The following ADAM10 variants were observed in gnomAD, a reference collection of about 807,000 sequenced individuals.
ADAM10 encodes ADAM metallopeptidase domain 10.
A neutral mutation model predicts 90.1 loss-of-function variants in ADAM10; 17 were observed. The observed-to-expected ratio is 0.19, with a 90% CI of 0.13 to 0.28. The LOEUF (loss-of-function observed/expected upper bound fraction) is 0.28, where lower values mean the gene tolerates loss of function less well. Among genes scored for constraint, ADAM10 ranks in the 10% least tolerant of loss-of-function variants. The pLI, the probability that ADAM10 is intolerant of heterozygous loss-of-function variation, is 1.00. For synonymous variants in ADAM10, 310 were observed against 298.6 expected (o/e 1.04, Z -0.40); for missense variants, 610 against 914.3 (o/e 0.67, Z 4.29).
chr15:58,725,843 TGAGAA>T (rs1262654017), intron 1 of ADAM10, among the ~76,000 whole-genome samples: 1 of 151,994 alleles, frequency 6.6e-6, no homozygotes, highest in Non-Finnish European at 1.5e-5. Flanking sequence ...CAAATGAAGG[TGAGAA>T]GAGGAGGTGA....
chr15:58,673,575 ATAAC>A (rs149303926), intron 4 of ADAM10, among the ~76,000 whole-genome samples: 7,543 of 151,934 alleles, frequency 0.05, 634 homozygotes, highest in African/African-American at 0.17. Context: ...ATACATATAT[ATAAC>A]TAATCAGAAA....
chr15:58,746,467 C>G (rs1205181788), intron 1 of ADAM10, among the ~76,000 whole-genome samples: 1 of 152,230 alleles, frequency 6.6e-6, no homozygotes, highest in Non-Finnish European at 1.5e-5. Context: ...TACCTTCCTA[C>G]AACTACAACA....
intron 7 of ADAM10, 55 bp from the exon 8 acceptor site, chr15:58,641,015 T>G: frequency 6.6e-7 from 1 of 1,507,604 alleles, no homozygotes; most frequent in Non-Finnish European, 9.2e-7. Context: ...AGCTTTAGTG[T>G]GAATGTCTGC....
At chr15:58,728,331 A>G (rs1374963100) in intron 1 of ADAM10, among the ~76,000 whole-genome samples, 1 of 152,212 alleles carries the variant, frequency 6.6e-6, no homozygotes, top group African/African-American at 2.4e-5. Context: ...ATGATTATGG[A>G]GGTAGTTATA....
chr15:58,651,675 G>C (rs1896691015), intron 5 of ADAM10, among the ~76,000 whole-genome samples: 1 of 152,100 alleles, frequency 6.6e-6, no homozygotes, highest in Non-Finnish European at 1.5e-5. Context: ...AGACACTTAG[G>C]CTGCTTCCAA....
In ADAM10 at chr15:58,633,218, A is replaced by C; in HGVS notation, c.1154T>G (p.Val385Gly). The change falls in exon 9 of 16, where the codon GTT becomes GGT. Residue 385 changes from valine (V) to glycine (G), a missense_variant. Physicochemically the swap from Val to Gly is moderately radical, Grantham distance 109. This residue lies in a region of ADAM10 where 97 missense variants were observed against 221.4 expected (regional missense o/e 0.44). Transcript: ENST00000260408. Reference protein sequence around the residue: ...KVSHITFAHEVGHNFGSPHDS... With the variant: ...KVSHITFAHEGGHNFGSPHDS... ...TACTGGGGATCCAAAGTTATGTCCA[A>C]CTTCGTGAGCAAAAGTAATGTGAGA... is the stretch of plus-strand genomic sequence containing the variant. The C allele has an allele frequency of 6.2e-7, 1 of 1,613,536 alleles. No homozygotes were observed. Among genetic ancestry groups the C allele is most frequent in the Non-Finnish European group, 8.5e-7 (1 of 1,179,538 alleles).
chr15:58,636,029 C>A (rs748192023), intron 8 of ADAM10, among the ~76,000 whole-genome samples: 1 of 152,110 alleles, frequency 6.6e-6, no homozygotes, highest in African/African-American at 2.4e-5. Context: ...GTAATCCCAA[C>A]ACTTTGGGTG....
chr15:58,614,966 AAAAAC>A (rs745659348), intron 11 of ADAM10, among the ~76,000 whole-genome samples: 3 of 152,214 alleles, frequency 2.0e-5, no homozygotes, highest in Non-Finnish European at 2.9e-5. Context: ...AAGAATATGC[AAAAAC>A]AAAACAAAAC....
chr15:58,644,087 T>C (rs1896486193), intron 6 of ADAM10, 109 bp from the exon 7 acceptor site: 3 of 809,224 alleles, frequency 3.7e-6, no homozygotes, highest in African/African-American at 3.4e-5. Context: ...ACATTCAAAT[T>C]TTAAAATGTC....
chr15:58,667,897 T>TA (rs1318507556), intron 4 of ADAM10, among the ~76,000 whole-genome samples: 8 of 152,060 alleles, frequency 5.3e-5, no homozygotes, highest in African/African-American at 1.7e-4. Flanking sequence ...TCCCCATGTC[T>TA]AATTTCTGTT....
At chr15:58,725,056 G>A (rs1466387847) in intron 1 of ADAM10, among the ~76,000 whole-genome samples, 1 of 151,918 alleles carries the variant, frequency 6.6e-6, no homozygotes, top group Non-Finnish European at 1.5e-5. Context: ...GGGCACAGTG[G>A]CACATGCCTA....
intron 2 of ADAM10, chr15:58,692,210 G>T: frequency 1.8e-6 from 1 of 569,338 alleles, no homozygotes; most frequent in Non-Finnish European, 3.5e-6. Context: ...GGGATGAACA[G>T]CAATGCCCTG....
In ADAM10 at chr15:58,646,094, G is replaced by A; in HGVS notation, c.696C>T (p.Phe232=). 6.2e-7 allele frequency: 1 copy of A among 1,613,676 alleles called. No homozygotes were observed. Among genetic ancestry groups the A allele is most frequent in the Non-Finnish European group, 8.5e-7 (1 of 1,179,792 alleles). ...CTTCTCGTGTTCCGTAATATTTAAA[G>A]AACAAATGATCAGTCTGAATATAAA... ...CQLYIQTDHL[F]FKYYGTREAV... Residue 232 remains phenylalanine, a synonymous_variant, in exon 6 of 16, where the codon TTC becomes TTT. Coordinates refer to ENST00000260408, the MANE Select transcript of ADAM10 (RefSeq NM_001110.4).
rs766149223 is a variant in ADAM10, at chr15:58,593,149, A to ATTTTTTTTTTTTTTTTTTTTTTTTTT, written c.*4372_*4397dup. On this transcript the variant is annotated 3_prime_UTR_variant, in exon 16 of 16. Transcript: ENST00000260408. ...AAAGTAACAAAGGCCAGGTACTCAA[A>ATTTTTTTTTTTTTTTTTTTTTTTTTT]TTTTTTTTTTTTTTTTTTTTTTTTT... 2 of 68,402 alleles carry ATTTTTTTTTTTTTTTTTTTTTTTTTT rather than the reference A, an allele frequency of 2.9e-5. No homozygotes were observed. The highest frequency in any genetic ancestry group is 5.5e-5 in the Non-Finnish European group (2 of 36,234). The allele number at this position is 68,402 out of a possible 1,614,324, so 4.2% of individuals were successfully genotyped here.
chr15:58,717,651 T>C lies in ADAM10; in HGVS notation c.132A>G (p.Gln44=), dbSNP rs772962759. The C allele has an allele frequency of 1.2e-6, 2 of 1,613,976 alleles. No homozygotes were observed. Among genetic ancestry groups the C allele is most frequent in the South Asian group, 1.1e-5 (1 of 91,080 alleles). The change falls in exon 2 of 16, where the codon CAA becomes CAG. Residue 44 remains glutamine (Q), a synonymous_variant. Transcript: ENST00000260408. The part of the protein sequence containing the change: ...GLSYNVDSLH[Q]KHQRAKRAVS... Reference sequence around the variant, plus strand: ...CTGCTCTTTTGGCACGCTGGTGTTTTTGGTGTAATGAATCCACATTGTAAG... The same window carrying C: ...CTGCTCTTTTGGCACGCTGGTGTTTCTGGTGTAATGAATCCACATTGTAAG...
intron 15 of ADAM10, among the ~76,000 whole-genome samples, chr15:58,598,898 T>C (rs1374932392): frequency 6.6e-6 from 1 of 152,244 alleles, no homozygotes; most frequent in African/African-American, 2.4e-5. Context: ...AATACTTGAC[T>C]GTGCTTATTT....
At chr15:58,717,750 T>A in intron 1 of ADAM10, 23 bp from the exon 2 acceptor site, 2 of 1,603,688 alleles carry the variant, frequency 1.2e-6, no homozygotes, top group Non-Finnish European at 1.7e-6. Flanking sequence ...AACAACATTC[T>A]GAATTAGTAT....
At chr15:58,692,045 T>A in intron 2 of ADAM10, 1 of 468,098 alleles carries the variant, frequency 2.1e-6, no homozygotes, top group South Asian at 1.5e-5. Flanking sequence ...TCCCGGGAGA[T>A]GTTTGGGGAA....
At chr15:58,644,070 T>G in intron 6 of ADAM10, 92 bp from the exon 7 acceptor site, 1 of 908,038 alleles carries the variant, frequency 1.1e-6, no homozygotes, top group Admixed American at 1.9e-5. Context: ...ATTATTCATG[T>G]CCTGCCACAT....
Sources: allele counts gnomAD v4.1 joint callset (sites outside exome capture counted in the v4.1 genomes callset), GRCh38; gene constraint gnomAD v4.1.1; regional missense constraint gnomAD v4.1.1; transcripts MANE v1.5; gene names NCBI Gene and HGNC (gene_info 2026-07-23, HGNC 2026-07-21).